MATN2: variants seen among roughly 807,000 people sequenced by gnomAD.
The protein encoded by MATN2 is matrilin 2, also known as matrilin-2.
MATN2 carries 69 observed loss-of-function variants against 103.2 expected under a neutral mutation model. The ratio of observed to expected loss-of-function variants is 0.67; its 90% CI spans 0.55 to 0.82. The LOEUF (loss-of-function observed/expected upper bound fraction) is 0.82. MATN2 is among the 40% of genes least tolerant of loss of function. The pLI, the probability that MATN2 is intolerant of heterozygous loss-of-function variation, is 0.00. For missense variants in MATN2, 1,023 were observed against 1,211.5 expected (o/e 0.84, Z 2.31); for synonymous variants, 429 against 450.2 (o/e 0.95, Z 0.60).
intron 4 of MATN2, among the ~76,000 whole-genome samples, chr8:97,953,343 A>G (rs1180380809): frequency 6.6e-6 from 1 of 152,170 alleles, no homozygotes; most frequent in Non-Finnish European, 1.5e-5. Flanking sequence ...CCCTTGATTT[A>G]GGAAAGGAGA....
intron 2 of MATN2, among the ~76,000 whole-genome samples, chr8:97,895,446 C>T (rs1489836788): frequency 2.0e-5 from 3 of 152,206 alleles, no homozygotes; most frequent in Non-Finnish European, 4.4e-5. Flanking sequence ...CTTCCCCAGA[C>T]AAGACCCATT....
Position 97,972,350 on chromosome 8 carries a change from AAAAAAG to A in MATN2, c.959-6531_959-6526del, listed in dbSNP as rs1165290925. Among the ~76,000 whole-genome samples, 652 of 151,586 alleles carry A rather than the reference AAAAAAG, an allele frequency of 4.3e-3. 8 individuals carry two copies. Among genetic ancestry groups the A allele is most frequent in the African/African-American group, 0.014 (589 of 41,266 alleles). On this transcript the variant is annotated intron_variant, in intron 5 of 18. Transcript: ENST00000254898. ...TGAGACCCTGTCTCAAAAAAAAAAA[AAAAAAG>A]AAAAGAAAAGAAAAGAAATTTTCTC... is the stretch of plus-strand genomic sequence containing the variant.
chr8:97,989,645 T>C (rs1812326211), intron 6 of MATN2, among the ~76,000 whole-genome samples: 2 of 152,298 alleles, frequency 1.3e-5, no homozygotes, highest in Admixed American at 1.3e-4. Flanking sequence ...CTGGAAGTTC[T>C]AGCCAGTGCA....
chr8:98,026,476 G>T (rs930859740), intron 13 of MATN2, among the ~76,000 whole-genome samples: 2 of 151,888 alleles, frequency 1.3e-5, no homozygotes, highest in African/African-American at 2.4e-5. Flanking sequence ...GGGTGTTCTT[G>T]AACTCCTGTG....
chr8:97,976,194 G>A (rs546772052), intron 5 of MATN2, among the ~76,000 whole-genome samples: 167 of 151,662 alleles, frequency 1.1e-3, no homozygotes, highest in African/African-American at 3.7e-3. Context: ...GTGCAATCTC[G>A]GCTCCCGGGT....
intron 3 of MATN2, 135 bp from the exon 4 acceptor site, chr8:97,941,642 G>A (rs1810571489): frequency 1.1e-6 from 1 of 917,244 alleles, no homozygotes; most frequent in Non-Finnish European, 1.6e-6. Context: ...GAGCCCCCTT[G>A]AGGGTAGGGA....
At chr8:97,882,495 C>A (rs528779270) in intron 1 of MATN2, among the ~76,000 whole-genome samples, 1 of 151,918 alleles carries the variant, frequency 6.6e-6, no homozygotes, top group Admixed American at 6.6e-5. Flanking sequence ...TGGGCTCAAG[C>A]GATTCTCCCA....
chr8:97,930,712 T>G lies in MATN2; in HGVS notation c.143-241T>G, dbSNP rs543233562. Reference sequence around the variant, plus strand: ...CTCTTGGCTCACTGCAACCTGTGCTTGCTGGATTCAAGTGATTCTCCTACC... The same window carrying G: ...CTCTTGGCTCACTGCAACCTGTGCTGGCTGGATTCAAGTGATTCTCCTACC... On this transcript the variant is annotated intron_variant, in intron 2 of 18. Coordinates refer to ENST00000254898, the MANE Select transcript of MATN2 (RefSeq NM_002380.5). 6.5e-4 allele frequency among the ~76,000 whole-genome samples: 99 copies of G among 152,298 alleles called. 2 individuals carry two copies. In the South Asian group the frequency reaches 0.019, roughly 29 times the overall value.
At chr8:97,933,293 G>A (rs902587538) in intron 3 of MATN2, among the ~76,000 whole-genome samples, 2 of 152,336 alleles carry the variant, frequency 1.3e-5, no homozygotes, top group African/African-American at 4.8e-5. Context: ...AGAACACACT[G>A]CAAACATTTT....
At chr8:98,000,664 G>A (rs1812753217) in intron 7 of MATN2, among the ~76,000 whole-genome samples, 1 of 150,946 alleles carries the variant, frequency 6.6e-6, no homozygotes, top group Non-Finnish European at 1.5e-5. Flanking sequence ...AGTTATGTTT[G>A]TAAAGTGGTT....
chr8:98,035,659 GA>G lies in MATN2; in HGVS notation c.2820del (p.Glu941LysfsTer2). ...EEVRKLTQRL[E>X]EMTQRMEALE... ...ATCTTCCTTAATTTGAGATTTACTAGAAGAAATGACACAGAGAATGGAAGCC... is the reference window on the plus strand; with the variant it reads ...ATCTTCCTTAATTTGAGATTTACTAGAGAAATGACACAGAGAATGGAAGCC... On this transcript the variant is annotated frameshift_variant, in exon 19 of 19. Transcript: ENST00000254898. LOFTEE classifies it high-confidence loss of function. The G allele has an allele frequency of 6.4e-7, 1 of 1,570,302 alleles. No homozygotes were observed. The highest frequency in any genetic ancestry group is 1.2e-5 in the South Asian group (1 of 86,178).
Position 97,888,194 on chromosome 8 carries a change from A to T in MATN2, c.94A>T (p.Ile32Phe). The T allele has an allele frequency of 1.2e-6, 2 of 1,604,512 alleles. No individual in the cohort carries two copies. Reference protein sequence around the residue: ...EARERSRGRSISRGRHARTHP... With the variant: ...EARERSRGRSFSRGRHARTHP... ...CAGGGAGCGGTCACGTGGGAGGTCC[A>T]TCTCTAGGGGCAGACACGCTCGGAC... The change falls in exon 2 of 19, where the codon ATC becomes TTC. Residue 32 changes from isoleucine to phenylalanine, a missense_variant. By Grantham distance (21) the Ile-to-Phe change is conservative. Coordinates refer to ENST00000254898, the MANE Select transcript of MATN2 (RefSeq NM_002380.5).
intron 6 of MATN2, among the ~76,000 whole-genome samples, chr8:97,986,963 G>T (rs1343070153): frequency 6.6e-6 from 1 of 151,936 alleles, no homozygotes; most frequent in Non-Finnish European, 1.5e-5. Flanking sequence ...CTCCCGAGTG[G>T]CTGGGACTAC....
At chr8:97,884,914 A>G (rs10955135) in intron 1 of MATN2, among the ~76,000 whole-genome samples, 127,597 of 152,200 alleles carry the variant, frequency 0.84, 54,381 homozygotes, top group Non-Finnish European at 0.93. Context: ...GTCTACTGTT[A>G]TCTCCGTTTT....
In MATN2 at chr8:98,033,218, A is replaced by G. The variant is rs761227661; in HGVS notation, c.2716+42A>G. The stretch of plus-strand genomic sequence containing the variant: ...TATTACTATAAGATAACTTGATCTC[A>G]GCCTTTCGGCTTGCCAACAACCTTA... On this transcript the variant is annotated intron_variant, in intron 17 of 18. Transcript: ENST00000254898. 3 of 1,536,776 alleles carry G rather than the reference A, an allele frequency of 2.0e-6. No homozygotes were observed. The South Asian group carries it at 3.9e-5, about 20-fold the overall frequency.
chr8:98,029,791 G>A (rs1813942193), intron 14 of MATN2, among the ~76,000 whole-genome samples: 1 of 152,158 alleles, frequency 6.6e-6, no homozygotes, highest in African/African-American at 2.4e-5. Context: ...TATTCTTATT[G>A]TGTTTTACTT....
chr8:97,977,545 G>T (rs146454423), intron 5 of MATN2, among the ~76,000 whole-genome samples: 12 of 152,060 alleles, frequency 7.9e-5, no homozygotes, highest in African/African-American at 2.7e-4. Context: ...GCAACATCCT[G>T]GTTTAAGCCT....
At position 97,963,292 on chromosome 8, in the gene MATN2, T is replaced by A. The variant is rs563572157; in HGVS notation, c.958+1762T>A. Among the ~76,000 whole-genome samples the A allele has an allele frequency of 7.2e-5, 11 of 152,270 alleles. No homozygotes were observed. The East Asian group carries it at 1.9e-3, about 27-fold the overall frequency. On this transcript the variant is annotated intron_variant, in intron 5 of 18. Transcript: ENST00000254898. ...TGGTCAGGAGGAAATCAAGCCATTGTGAGTTAGGCTGGTGGAGGAGCTTCA... is the reference window on the plus strand; with the variant it reads ...TGGTCAGGAGGAAATCAAGCCATTGAGAGTTAGGCTGGTGGAGGAGCTTCA...
At chr8:97,910,277 C>A (rs755013874) in intron 2 of MATN2, among the ~76,000 whole-genome samples, 1 of 151,968 alleles carries the variant, frequency 6.6e-6, no homozygotes, top group Non-Finnish European at 1.5e-5. Context: ...TGGCTGGTCT[C>A]GAACTCCTGA....
Sources: gnomAD v4.1 joint callset for allele counts (sites outside exome capture counted in the v4.1 genomes callset) on GRCh38, gnomAD v4.1.1 for gene constraint, MANE v1.5 for transcripts, NCBI Gene and HGNC (gene_info 2026-07-23, HGNC 2026-07-21) for gene names.